The following KAZN variants were observed in gnomAD, a reference collection of about 807,000 sequenced individuals.
KAZN encodes kazrin.
In KAZN, 40 loss-of-function variants were observed where a neutral mutation model predicts 87.4. The observed-to-expected ratio is 0.46, with a 90% CI of 0.36 to 0.60. The LOEUF is 0.60. KAZN is among the 20% of genes least tolerant of loss of function. The pLI is 0.00. For missense variants in KAZN, 898 were observed against 1,073.9 expected (o/e 0.84, Z 2.29); for synonymous variants, 466 against 458.3 (o/e 1.02, Z -0.22).
chr1:14,995,422 A>G (rs1396473642), intron 2 of KAZN, among the ~76,000 whole-genome samples: 2 of 152,296 alleles, frequency 1.3e-5, no homozygotes, highest in South Asian at 4.2e-4. Context: ...GAGGAGTTCA[A>G]GACCAGCCTG....
chr1:14,376,626 C>A (rs183710977), intron 2 of KAZN, among the ~76,000 whole-genome samples: 2 of 152,150 alleles, frequency 1.3e-5, no homozygotes, highest in East Asian at 1.9e-4. Flanking sequence ...TATCTTGTAA[C>A]AATAAAAAAT....
At chr1:14,833,649 C>T (rs1287298337) in intron 1 of KAZN, among the ~76,000 whole-genome samples, 2 of 152,066 alleles carry the variant, frequency 1.3e-5, no homozygotes, top group Non-Finnish European at 2.9e-5. Context: ...TTTTCCATCT[C>T]CTGTGCAGTG....
At chr1:14,250,283 A>G (rs1170086418) in intron 2 of KAZN, among the ~76,000 whole-genome samples, 3 of 152,082 alleles carry the variant, frequency 2.0e-5, no homozygotes, top group Admixed American at 6.6e-5. Flanking sequence ...AAATAATACA[A>G]TATAAAGCCC....
At chr1:14,516,570 C>T (rs1054597982) in intron 2 of KAZN, among the ~76,000 whole-genome samples, 1 of 152,196 alleles carries the variant, frequency 6.6e-6, no homozygotes, top group Non-Finnish European at 1.5e-5. Context: ...ACAACAGACT[C>T]TTAACAAATA....
intron 2 of KAZN, among the ~76,000 whole-genome samples, chr1:14,227,012 A>G (rs1037222880): frequency 6.6e-6 from 1 of 152,182 alleles, no homozygotes; most frequent in Non-Finnish European, 1.5e-5. Context: ...CAATTTGCCC[A>G]TGTAACAAAC....
At chr1:14,438,794 G>C (rs929037568) in intron 2 of KAZN, among the ~76,000 whole-genome samples, 1 of 152,220 alleles carries the variant, frequency 6.6e-6, no homozygotes, top group Non-Finnish European at 1.5e-5. Flanking sequence ...AGGGGCTCAC[G>C]ATGAGCTTCC....
intron 4 of KAZN, among the ~76,000 whole-genome samples, chr1:15,055,401 C>T (rs186369014): frequency 3.0e-4 from 45 of 152,206 alleles, no homozygotes; most frequent in African/African-American, 1.0e-3. Context: ...TGCTTGAACC[C>T]GGGAGGCGGA....
At chr1:14,817,340 A>G (rs897439612) in intron 1 of KAZN, among the ~76,000 whole-genome samples, 3 of 152,220 alleles carry the variant, frequency 2.0e-5, no homozygotes, top group Admixed American at 6.5e-5. Flanking sequence ...CCCTCTGTAA[A>G]TAGTCATTCA....
Position 14,325,180 on chromosome 1 carries a change from T to C in KAZN, c.249+144588T>C, listed in dbSNP as rs929414079. Among the ~76,000 whole-genome samples, 12 of 150,850 alleles carry C rather than the reference T, an allele frequency of 8.0e-5. No individual in the cohort carries two copies. The South Asian group carries it at 8.3e-4, about 10-fold the overall frequency. ...GTTGTGTGTGTTTGTGCTCTCCCTCTCTCTCTCTCTTTTTCACCTCGGATA... is the reference window on the plus strand; with the variant it reads ...GTTGTGTGTGTTTGTGCTCTCCCTCCCTCTCTCTCTTTTTCACCTCGGATA... On this transcript the variant is annotated intron_variant, in intron 2 of 16. Transcript: ENST00000636203.
chr1:14,962,917 C>T (rs10927599), intron 2 of KAZN, among the ~76,000 whole-genome samples: 6,240 of 152,202 alleles, frequency 0.041, 432 homozygotes, highest in African/African-American at 0.14. Context: ...AACCTAGCCT[C>T]TTTAAACCTA....
chr1:14,950,815 T>C (rs951287229), intron 1 of KAZN, among the ~76,000 whole-genome samples: 1 of 152,020 alleles, frequency 6.6e-6, no homozygotes, highest in African/African-American at 2.4e-5. Flanking sequence ...GAAATGGGGG[T>C]AACTCTCCAG....
At chr1:14,451,584 AAGAGAGAG>A (rs5772582) in intron 2 of KAZN, among the ~76,000 whole-genome samples, 6 of 148,548 alleles carry the variant, frequency 4.0e-5, no homozygotes, top group African/African-American at 9.9e-5. Context: ...CAGTTTCAGA[AAGAGAGAG>A]AGAGAGAGAG....
chr1:14,490,865 A>T (rs1474851387), intron 2 of KAZN, among the ~76,000 whole-genome samples: 3 of 152,200 alleles, frequency 2.0e-5, no homozygotes, highest in African/African-American at 7.2e-5. Context: ...ACATTGTTCT[A>T]ATCCTCTTAG....
At chr1:14,326,809 G>A (rs1015229505) in intron 2 of KAZN, among the ~76,000 whole-genome samples, 4 of 152,104 alleles carry the variant, frequency 2.6e-5, no homozygotes, top group African/African-American at 9.7e-5. Context: ...TCTTTTAGGA[G>A]TCTGTTCATC....
At chr1:14,466,861 T>C (rs868343791) in intron 2 of KAZN, among the ~76,000 whole-genome samples, 7 of 151,866 alleles carry the variant, frequency 4.6e-5, no homozygotes, top group South Asian at 4.2e-4. Context: ...CCCAGCTACT[T>C]GGGAGGCTGA....
intron 2 of KAZN, among the ~76,000 whole-genome samples, chr1:14,193,764 C>CTGTGTG (rs1287928656): frequency 1.3e-5 from 2 of 151,560 alleles, no homozygotes; most frequent in Admixed American, 1.3e-4. Flanking sequence ...TGAGGCCAAC[C>CTGTGTG]TGTGTGTTTC....
chr1:15,005,688 T>G (rs1668933488), intron 2 of KAZN, among the ~76,000 whole-genome samples: 1 of 151,784 alleles, frequency 6.6e-6, no homozygotes, highest in Admixed American at 6.6e-5. Context: ...CTTGGGAGGC[T>G]GAGGCAGGAA....
intron 10 of KAZN, among the ~76,000 whole-genome samples, chr1:15,098,869 C>T (rs1159415618): frequency 1.3e-5 from 2 of 152,228 alleles, no homozygotes; most frequent in Non-Finnish European, 2.9e-5. Context: ...AGTGTGAACT[C>T]AGAGCCTGAA....
At chr1:14,308,861 T>C (rs1655103189) in intron 2 of KAZN, among the ~76,000 whole-genome samples, 1 of 152,322 alleles carries the variant, frequency 6.6e-6, no homozygotes, top group South Asian at 2.1e-4. Flanking sequence ...GATTTCCTGG[T>C]CTGTCAGATT....
Sources: allele counts gnomAD v4.1 joint callset (sites outside exome capture counted in the v4.1 genomes callset), GRCh38; gene constraint gnomAD v4.1.1; transcripts MANE v1.5; gene names NCBI Gene and HGNC (gene_info 2026-07-23, HGNC 2026-07-21).